NOD1: variants seen among roughly 807,000 people sequenced by gnomAD.
NOD1 encodes nucleotide binding oligomerization domain containing 1.
NOD1 carries 70 observed loss-of-function variants against 81.2 expected under a neutral mutation model. The ratio of observed to expected loss-of-function variants is 0.86; its 90% CI spans 0.71 to 1.05. The LOEUF (loss-of-function observed/expected upper bound fraction) is 1.05, where lower values mean the gene tolerates loss of function less well. Ranked by LOEUF, NOD1 falls within the 50% of genes least tolerant of loss-of-function variation. NOD1 has a pLI of 0.00. For missense variants in NOD1, 1,233 were observed against 1,228.0 expected (o/e 1.00, Z -0.06); for synonymous variants, 508 against 526.9 (o/e 0.96, Z 0.49).
At chr7:30,431,961 C>A (rs113056110) in intron 12 of NOD1, among the ~76,000 whole-genome samples, 3,109 of 152,132 alleles carry the variant, frequency 0.02, 106 homozygotes, top group African/African-American at 0.071. Flanking sequence ...CAAAATGAGA[C>A]AGGCATGGTG....
Position 30,450,751 on chromosome 7 carries a change from G to A in NOD1, c.2201+465C>T, listed in dbSNP as rs1441362601. On this transcript the variant is annotated intron_variant, in intron 6 of 13. Transcript: ENST00000222823. ...AAAGGAAGGTTCTTTATGCATTCTG[G>A]CACTGCTATGTCTGAGCTGTGTGAC... Among the ~76,000 whole-genome samples, 3 of 152,300 alleles carry A rather than the reference G, an allele frequency of 2.0e-5. No individual in the cohort carries two copies. The East Asian group carries it at 5.8e-4, about 29-fold the overall frequency.
intron 5 of NOD1, 56 bp from the exon 6 acceptor site, chr7:30,453,096 G>A: frequency 6.5e-7 from 1 of 1,537,726 alleles, no homozygotes; most frequent in Non-Finnish European, 8.8e-7. Flanking sequence ...GGCAGAAACA[G>A]CATCAAACAG....
chr7:30,429,272 G>A, intron 13 of NOD1, 102 bp downstream of exon 13: 1 of 949,108 alleles, frequency 1.1e-6, no homozygotes, highest in South Asian at 1.3e-5. Flanking sequence ...CAGGGTTGCT[G>A]GAGGAATAAA....
intron 1 of NOD1, among the ~76,000 whole-genome samples, chr7:30,470,031 G>GC (rs1788102899): frequency 6.6e-6 from 1 of 152,110 alleles, no homozygotes; most frequent in South Asian, 2.1e-4. Flanking sequence ...CAGAGGGCGT[G>GC]CAACTTTGTG....
In NOD1 at chr7:30,446,951, T is replaced by C. The variant is rs1232056699; in HGVS notation, c.2369+16A>G. The C allele has an allele frequency of 6.2e-7, 1 of 1,604,110 alleles. No individual in the cohort carries two copies. Among genetic ancestry groups the C allele is most frequent in the Admixed American group, 1.7e-5 (1 of 59,042 alleles). The stretch of plus-strand genomic sequence containing the variant: ...CAAGAGAATATACTAAGGAACCTGG[T>C]GCCTACCCCACTTACTTAAGATGCG... On this transcript the variant is annotated intron_variant, in intron 8 of 13. Transcript: ENST00000222823.
intron 11 of NOD1, among the ~76,000 whole-genome samples, chr7:30,434,325 T>C (rs1221076102): frequency 2.6e-5 from 4 of 152,240 alleles, no homozygotes; most frequent in Non-Finnish European, 5.9e-5. Flanking sequence ...ACATTACTAC[T>C]ATCCATGTGA....
At chr7:30,461,416 G>C (rs181256675) in intron 1 of NOD1, among the ~76,000 whole-genome samples, 1 of 152,284 alleles carries the variant, frequency 6.6e-6, no homozygotes, top group East Asian at 1.9e-4. Context: ...GGCCTCAAGT[G>C]ATCCTCCCAC....
intron 8 of NOD1, chr7:30,446,440 A>C: frequency 1.8e-6 from 1 of 565,424 alleles, no homozygotes; most frequent in Non-Finnish European, 3.2e-6. Context: ...GATGGTCCAC[A>C]GTCTCTGCAG....
At chr7:30,455,830 G>A (rs1243891893) in intron 4 of NOD1, among the ~76,000 whole-genome samples, 1 of 152,096 alleles carries the variant, frequency 6.6e-6, no homozygotes, top group Admixed American at 6.5e-5. Context: ...TCAAACTCCT[G>A]ACCTTAGGTG....
Position 30,435,295 on chromosome 7 carries a change from G to C in NOD1, c.2621+703C>G, listed in dbSNP as rs554067218. ...AGGCCAAACCCTGATGTGAAGACCT[G>C]GGGAAGGAGGAGGCTGCCTGGGGGA... On this transcript the variant is annotated intron_variant, in intron 11 of 13. Coordinates refer to ENST00000222823, the MANE Select transcript of NOD1 (RefSeq NM_006092.4). Among the ~76,000 whole-genome samples the C allele has an allele frequency of 1.6e-3, 237 of 152,282 alleles. 1 individual carries two copies. Among genetic ancestry groups the C allele is most frequent in the African/African-American group, 5.5e-3 (227 of 41,564 alleles).
At chr7:30,463,163 A>G (rs1558065) in intron 1 of NOD1, among the ~76,000 whole-genome samples, 25,245 of 152,094 alleles carry the variant, frequency 0.17, 2,251 homozygotes, top group Admixed American at 0.23. Flanking sequence ...GTGTGTATGT[A>G]TATATATGAA....
chr7:30,425,680 C>T lies in NOD1; in HGVS notation c.2820G>A (p.Glu940=), dbSNP rs1783383172. 1 of 1,613,790 alleles carries T rather than the reference C, an allele frequency of 6.2e-7. No individual in the cohort carries two copies. The highest frequency in any genetic ancestry group is 1.1e-5 in the South Asian group (1 of 91,084). Residue 940 remains glutamate (E), a synonymous_variant, in exon 14 of 14, where the codon GAG becomes GAA. Transcript: ENST00000222823. ...CLNGNLIKPE[E]AKVYEDEKRI... Reference sequence around the variant, plus strand: ...GCTTCTCATCTTCATAGACTTTGGCCTCCTCTGGTTTTATCAGGTTTCCAT... The same window carrying T: ...GCTTCTCATCTTCATAGACTTTGGCTTCCTCTGGTTTTATCAGGTTTCCAT...
intron 9 of NOD1, among the ~76,000 whole-genome samples, chr7:30,440,921 T>C (rs1381073336): frequency 7.5e-5 from 1 of 13,404 alleles, no homozygotes; most frequent in African/African-American, 4.1e-4. Flanking sequence ...GCAGAAACCC[T>C]ACAAGCCAGA....
intron 1 of NOD1, among the ~76,000 whole-genome samples, chr7:30,468,092 A>G (rs1293633958): frequency 6.6e-6 from 1 of 151,812 alleles, no homozygotes; most frequent in African/African-American, 2.4e-5. Context: ...GTGAAAAATA[A>G]TCAGTCCCCA....
chr7:30,433,960 G>C (rs972559892), intron 11 of NOD1, among the ~76,000 whole-genome samples: 8 of 152,094 alleles, frequency 5.3e-5, no homozygotes, highest in Admixed American at 5.2e-4. Context: ...CATGCATTGT[G>C]GTATTATCCT....
Position 30,451,103 on chromosome 7 carries a change from C to T in NOD1, c.2201+113G>A. ...TAAGAAAGAAAAGGTCTGGACATTC[C>T]AAGGGCCATGGTCATGAGTCCTGGG... is the stretch of plus-strand genomic sequence containing the variant. On this transcript the variant is annotated intron_variant, in intron 6 of 13. Coordinates refer to ENST00000222823, the MANE Select transcript of NOD1 (RefSeq NM_006092.4). This position sits in a 1 kb window ranked among gnomAD's most constrained non-coding sequence, Gnocchi z 4.2. 1 of 1,259,042 alleles carries T rather than the reference C, an allele frequency of 7.9e-7. No homozygotes were observed. The highest frequency in any genetic ancestry group is 1.5e-5 in the South Asian group (1 of 67,186). The allele number at this position is 1,259,042 out of a possible 1,614,324, so 78.0% of individuals were successfully genotyped here. A position where few individuals can be genotyped will look rare whatever the true frequency, so the allele number is the denominator to read the frequency against.
chr7:30,438,258 A>G (rs1185728011), intron 9 of NOD1, among the ~76,000 whole-genome samples: 1 of 152,228 alleles, frequency 6.6e-6, no homozygotes, highest in Admixed American at 6.5e-5. Context: ...TGTCCCCTAC[A>G]GCAGATCCGG....
At chr7:30,427,743 A>C (rs1449243913) in intron 13 of NOD1, among the ~76,000 whole-genome samples, 1 of 152,214 alleles carries the variant, frequency 6.6e-6, no homozygotes, top group Non-Finnish European at 1.5e-5. Context: ...GTGACCCTCA[A>C]GAGGGAAGCA....
chr7:30,432,408 A>G (rs573469418), intron 12 of NOD1, among the ~76,000 whole-genome samples: 10 of 152,354 alleles, frequency 6.6e-5, no homozygotes, highest in Admixed American at 5.2e-4. Context: ...CTTCACATCC[A>G]CTAGTATAAC....
Sources: allele counts gnomAD v4.1 joint callset (sites outside exome capture counted in the v4.1 genomes callset), GRCh38; gene constraint gnomAD v4.1.1; non-coding constraint Gnocchi (gnomAD v3.1); transcripts MANE v1.5; gene names NCBI Gene and HGNC (gene_info 2026-07-23, HGNC 2026-07-21).